Variants in STAB2 observed in about 807,000 individuals in gnomAD.
STAB2 encodes the protein stabilin-2.
Under a neutral mutation model 338.1 loss-of-function variants are expected in STAB2, and 288 were observed. The observed-to-expected ratio is 0.85, with a 90% CI of 0.77 to 0.94. The LOEUF (loss-of-function observed/expected upper bound fraction) is 0.94. Ranked by LOEUF, STAB2 falls within the 40% of genes least tolerant of loss-of-function variation. STAB2 has a pLI of 0.00. For missense variants in STAB2, 3,141 were observed against 3,210.1 expected, an observed-to-expected ratio of 0.98 and a Z score of 0.52; for synonymous variants, 1,202 against 1,193.3, an observed-to-expected ratio of 1.01 and a Z score of -0.15.
intron 2 of STAB2, among the ~76,000 whole-genome samples, chr12:103,591,874 G>A (rs188666425): frequency 1.4e-4 from 21 of 152,268 alleles, no homozygotes; most frequent in Admixed American, 3.9e-4. Flanking sequence ...AATGCAATTT[G>A]TATTTGCGCA....
chr12:103,638,411 T>C (rs1957587521), intron 8 of STAB2, among the ~76,000 whole-genome samples, 199 bp downstream of exon 8: 1 of 152,144 alleles, frequency 6.6e-6, no homozygotes, highest in Non-Finnish European at 1.5e-5. Flanking sequence ...ACTCACACTT[T>C]CCCAGCTCCC....
intron 44 of STAB2, among the ~76,000 whole-genome samples, chr12:103,718,210 C>T (rs1880482678): frequency 6.6e-6 from 1 of 152,170 alleles, no homozygotes; most frequent in Admixed American, 6.5e-5. Context: ...CCTTATTCTC[C>T]TAGACTTACA....
At chr12:103,715,061 T>C (rs577781079) in intron 42 of STAB2, among the ~76,000 whole-genome samples, 1 of 152,234 alleles carries the variant, frequency 6.6e-6, no homozygotes, top group Non-Finnish European at 1.5e-5. Flanking sequence ...TTGCTTTGTG[T>C]CTTATGACAT....
chr12:103,624,264 ACACT>A lies in STAB2; in HGVS notation c.487+2158_487+2161del, dbSNP rs1332877432. Reference sequence around the variant, plus strand: ...CTTCTACGTGCTGCCTGCCTGGTAGACACTCACTACACTGTTTTTGGATGAATAC... The same window carrying A: ...CTTCTACGTGCTGCCTGCCTGGTAGACACTACACTGTTTTTGGATGAATAC... On this transcript the variant is annotated intron_variant, in intron 5 of 68. Transcript: ENST00000388887. Among the ~76,000 whole-genome samples, 3 of 152,346 alleles carry A rather than the reference ACACT, an allele frequency of 2.0e-5. No homozygotes were observed. In the East Asian group the frequency reaches 5.8e-4, roughly 29 times the overall value.
rs1477295107 is a variant in STAB2 at position 103,662,989 on chromosome 12, G to A, written c.2013G>A (p.Glu671=). The A allele has an allele frequency of 1.2e-6, 2 of 1,613,980 alleles. No individual in the cohort carries two copies. The highest frequency in any genetic ancestry group is 3.3e-5 in the Admixed American group (2 of 60,006). The change falls in exon 18 of 69, where the codon GAG becomes GAA. Residue 671 remains glutamate (E), a synonymous_variant. Transcript: ENST00000388887. ...LPHRCDETKR[E]MKLGTCVSCS... is the part of the protein sequence containing the mutation. ...ATCGATGTGATGAAACAAAGAGAGAGATGAAACTGGTAAGAAAACTAGGAA... is the reference window on the plus strand; with the variant it reads ...ATCGATGTGATGAAACAAAGAGAGAAATGAAACTGGTAAGAAAACTAGGAA...
chr12:103,630,477 C>T (rs886284114), intron 5 of STAB2, among the ~76,000 whole-genome samples: 1 of 152,140 alleles, frequency 6.6e-6, no homozygotes, highest in African/African-American at 2.4e-5. Flanking sequence ...CCAAAATGTC[C>T]TAATCCCTGG....
chr12:103,710,957 A>C (rs1879797949), intron 39 of STAB2, among the ~76,000 whole-genome samples: 1 of 152,202 alleles, frequency 6.6e-6, no homozygotes, highest in African/African-American at 2.4e-5. Context: ...TATTAATTCA[A>C]CAAATATTGT....
chr12:103,760,411 CCA>C (rs1566085200), intron 65 of STAB2, among the ~76,000 whole-genome samples: 1 of 152,164 alleles, frequency 6.6e-6, no homozygotes, highest in Non-Finnish European at 1.5e-5. Flanking sequence ...CAGGTGCCCG[CCA>C]CCACACTCAG....
chr12:103,665,768 G>A (rs1462451818), intron 18 of STAB2, among the ~76,000 whole-genome samples: 2 of 152,080 alleles, frequency 1.3e-5, no homozygotes, highest in African/African-American at 4.8e-5. Context: ...AGGTCAGAGA[G>A]GATCTGGAGA....
At chr12:103,734,730 C>T (rs1036386311) in intron 51 of STAB2, among the ~76,000 whole-genome samples, 2 of 152,186 alleles carry the variant, frequency 1.3e-5, no homozygotes, top group Non-Finnish European at 2.9e-5. Flanking sequence ...GCTTAAGCCA[C>T]AGAAGTGGTT....
chr12:103,750,487 C>T (rs1883530553), intron 59 of STAB2, 92 bp from the exon 60 acceptor site: 1 of 1,535,638 alleles, frequency 6.5e-7, no homozygotes. Flanking sequence ...ATCTGAACAC[C>T]TCCTAGGCTG....
chr12:103,600,884 C>T (rs1485004865), intron 3 of STAB2, among the ~76,000 whole-genome samples: 1 of 76,274 alleles, frequency 1.3e-5, no homozygotes, highest in Non-Finnish European at 2.4e-5. Flanking sequence ...AGGCACATTC[C>T]TTCCTGTCCT....
chr12:103,644,055 G>A (rs1209211877), intron 9 of STAB2, among the ~76,000 whole-genome samples: 5 of 107,838 alleles, frequency 4.6e-5, no homozygotes. Flanking sequence ...TTGAGAACGG[G>A]CCATGATGAC....
chr12:103,693,707 G>A (rs1402495449), intron 31 of STAB2, among the ~76,000 whole-genome samples: 1 of 152,106 alleles, frequency 6.6e-6, no homozygotes, highest in East Asian at 1.9e-4. Context: ...AAAGAATAAT[G>A]AGAAATGGGA....
At chr12:103,670,545 C>A (rs1875665276) in intron 21 of STAB2, 151 bp from the exon 22 acceptor site, 3 of 650,212 alleles carry the variant, frequency 4.6e-6, no homozygotes, top group South Asian at 1.8e-5. Context: ...TAGCAGCCTC[C>A]CTGATATCAC....
At chr12:103,718,593 G>A (rs1020520603) in intron 44 of STAB2, among the ~76,000 whole-genome samples, 41 of 152,186 alleles carry the variant, frequency 2.7e-4, no homozygotes, top group African/African-American at 9.9e-4. Flanking sequence ...TTCTTGTTCT[G>A]TGTAAGTCCA....
Position 103,742,465 on chromosome 12 carries a change from C to T in STAB2, c.5942C>T (p.Ser1981Leu), listed in dbSNP as rs1325575403. The change falls in exon 56 of 69, where the codon TCG (serine) becomes TTG (leucine). Residue 1981 changes from serine to leucine, a missense_variant. Transcript: ENST00000388887. Reference protein sequence around the residue: ...NNRGVCLDQYSATGECKCNTG... With the variant: ...NNRGVCLDQYLATGECKCNTG... ...CGGGGTGTCTGCCTTGATCAGTACT[C>T]GGCCACCGGAGAGTGTAAATGCAAC... The T allele has an allele frequency of 3.1e-6, 5 of 1,614,122 alleles. No individual in the cohort carries two copies. The highest frequency in any genetic ancestry group is 3.3e-5 in the Admixed American group (2 of 60,012).
At chr12:103,753,976 CTT>C (rs1379717851) in intron 61 of STAB2, among the ~76,000 whole-genome samples, 1 of 152,220 alleles carries the variant, frequency 6.6e-6, no homozygotes, top group East Asian at 1.9e-4. Flanking sequence ...GTGCTGCTCT[CTT>C]AACCTCTAAA....
intron 3 of STAB2, among the ~76,000 whole-genome samples, chr12:103,601,013 T>C (rs1010482459): frequency 1.3e-5 from 2 of 152,206 alleles, no homozygotes; most frequent in Non-Finnish European, 2.9e-5. Flanking sequence ...GTAAAATCTA[T>C]GCAAAATATT....
Sources: allele counts gnomAD v4.1 joint callset (sites outside exome capture counted in the v4.1 genomes callset), GRCh38; gene constraint gnomAD v4.1.1; transcripts MANE v1.5; gene names NCBI Gene and HGNC (gene_info 2026-07-23, HGNC 2026-07-21).